The following PRKG1 variants were observed in gnomAD, a reference collection of about 807,000 sequenced individuals.
PRKG1 encodes the protein protein kinase cGMP-dependent 1.
In PRKG1, 35 loss-of-function variants were observed where a neutral mutation model predicts 88.1. The observed-to-expected ratio is 0.40, with a 90% CI of 0.30 to 0.53. PRKG1 has a LOEUF of 0.53. Among genes scored for constraint, PRKG1 ranks in the 20% least tolerant of loss-of-function variants. The probability of loss-of-function intolerance (pLI) is 0.59; values close to 1 mark genes in which losing one functional copy is unlikely to be tolerated. For missense variants in PRKG1, 540 were observed against 839.8 expected (o/e 0.64, Z 4.41); for synonymous variants, 303 against 292.5 (o/e 1.04, Z -0.37).
upstream of PRKG1, among the ~76,000 whole-genome samples, chr10:51,071,153 C>T (rs946561032): frequency 5.9e-5 from 9 of 152,120 alleles, no homozygotes; most frequent in Admixed American, 2.0e-4. Flanking sequence ...GACGTAATTG[C>T]AGGACTTTGA....
At chr10:51,448,196 C>T (rs1404727301) in intron 2 of PRKG1, among the ~76,000 whole-genome samples, 1 of 151,846 alleles carries the variant, frequency 6.6e-6, no homozygotes, top group African/African-American at 2.4e-5. Flanking sequence ...TGCAGTGAAT[C>T]CTGATCATGC....
chr10:51,108,547 G>C (rs1303265407), intron 1 of PRKG1, among the ~76,000 whole-genome samples: 1 of 152,088 alleles, frequency 6.6e-6, no homozygotes, highest in African/African-American at 2.4e-5. Flanking sequence ...CATCTCCATT[G>C]GCACAGAAAA....
intron 3 of PRKG1, among the ~76,000 whole-genome samples, chr10:51,707,081 C>T (rs752893501): frequency 2.0e-5 from 3 of 152,104 alleles, no homozygotes; most frequent in Non-Finnish European, 2.9e-5. Flanking sequence ...AACCTTAACA[C>T]TGCCATTTTA....
chr10:52,187,748 G>A (rs1839235271), intron 9 of PRKG1, among the ~76,000 whole-genome samples: 1 of 152,132 alleles, frequency 6.6e-6, no homozygotes, highest in African/African-American at 2.4e-5. Flanking sequence ...ATGCTACCAT[G>A]AGCCAAACAC....
intron 1 of PRKG1, among the ~76,000 whole-genome samples, chr10:51,055,545 A>G (rs1589125808): frequency 6.6e-6 from 1 of 152,078 alleles, no homozygotes; most frequent in Middle Eastern, 3.4e-3. Context: ...CATCCTGGTG[A>G]ACACGGTGAA....
intron 2 of PRKG1, among the ~76,000 whole-genome samples, chr10:51,193,981 A>T (rs964470510): frequency 3.3e-5 from 5 of 152,172 alleles, no homozygotes. Flanking sequence ...CTGTCTTTGT[A>T]AATTGTTCAG....
chr10:52,292,430 A>G (rs1214622336), intron 17 of PRKG1, among the ~76,000 whole-genome samples: 5 of 149,964 alleles, frequency 3.3e-5, no homozygotes, highest in African/African-American at 9.9e-5. Context: ...ATCTTGAATT[A>G]ATTTTTGTAT....
At chr10:51,255,830 G>A (rs1231873529) in intron 2 of PRKG1, among the ~76,000 whole-genome samples, 2 of 152,074 alleles carry the variant, frequency 1.3e-5, no homozygotes, top group African/African-American at 4.8e-5. Flanking sequence ...TCACATGATG[G>A]TGAACGTCAA....
intron 1 of PRKG1, among the ~76,000 whole-genome samples, chr10:51,055,826 T>G (rs950982245): frequency 6.6e-6 from 1 of 152,192 alleles, no homozygotes; most frequent in Non-Finnish European, 1.5e-5. Flanking sequence ...ATGTGACAAC[T>G]GCTCTCCTCT....
intron 2 of PRKG1, among the ~76,000 whole-genome samples, chr10:51,217,667 G>C (rs748841802): frequency 2.6e-5 from 4 of 152,056 alleles, no homozygotes; most frequent in Non-Finnish European, 4.4e-5. Context: ...TGGTACTTCT[G>C]TTTCTGGCCT....
intron 2 of PRKG1, among the ~76,000 whole-genome samples, chr10:51,262,874 G>A (rs576239201): frequency 1.3e-5 from 2 of 152,042 alleles, no homozygotes; most frequent in African/African-American, 4.8e-5. Flanking sequence ...TGATCCAATC[G>A]CCTCCCATCA....
intron 1 of PRKG1, among the ~76,000 whole-genome samples, chr10:51,134,603 C>A (rs908325373): frequency 3.3e-5 from 5 of 152,068 alleles, no homozygotes; most frequent in South Asian, 2.1e-4. Context: ...GAATGTCAAC[C>A]TTTTGTAGCT....
At chr10:52,150,820 A>G (rs1458439116) in intron 8 of PRKG1, among the ~76,000 whole-genome samples, 2 of 152,166 alleles carry the variant, frequency 1.3e-5, no homozygotes, top group African/African-American at 4.8e-5. Context: ...CTATCATAGT[A>G]TTTGCATTCC....
At chr10:52,196,044 G>A (rs183102318) in intron 9 of PRKG1, among the ~76,000 whole-genome samples, 6 of 151,828 alleles carry the variant, frequency 4.0e-5, no homozygotes, top group East Asian at 1.9e-4. Flanking sequence ...ATGGAGTCTC[G>A]CTCTGTTGCC....
intron 2 of PRKG1, among the ~76,000 whole-genome samples, chr10:51,441,277 A>G (rs144471009): frequency 8.5e-5 from 13 of 152,142 alleles, no homozygotes; most frequent in Middle Eastern, 3.4e-3. Context: ...GTTCTCTCTG[A>G]TAGGTGTATT....
chr10:52,150,171 A>T lies in PRKG1; in HGVS notation c.1002-11718A>T, dbSNP rs1382179333. On this transcript the variant is annotated intron_variant, in intron 8 of 17. Transcript: ENST00000373980. ...TCAAAATAATAATAATAATAATAAT[A>T]ATAATAATAATAATTTGATTGGCCA... 5.4e-4 allele frequency among the ~76,000 whole-genome samples: 56 copies of T among 103,062 alleles called. No homozygotes were observed. In the South Asian group the frequency reaches 6.5e-3, roughly 12 times the overall value. The allele number at this position is 103,062 out of a possible 152,430, so 67.6% of individuals were successfully genotyped here.
At chr10:52,103,984 T>C (rs1372806145) in intron 7 of PRKG1, among the ~76,000 whole-genome samples, 3 of 146,468 alleles carry the variant, frequency 2.0e-5, no homozygotes, top group Non-Finnish European at 4.5e-5. Context: ...TATTATGACT[T>C]CATGTGTGTG....
At chr10:52,157,056 G>GA (rs202088634) in intron 8 of PRKG1, among the ~76,000 whole-genome samples, 125 of 151,072 alleles carry the variant, frequency 8.3e-4, no homozygotes, top group African/African-American at 2.9e-3. Flanking sequence ...ATGTAAAAAA[G>GA]AAAAAATCTG....
At chr10:51,741,594 A>G (rs534760492) in intron 3 of PRKG1, among the ~76,000 whole-genome samples, 44 of 152,292 alleles carry the variant, frequency 2.9e-4, no homozygotes, top group African/African-American at 9.1e-4. Context: ...GACGTCCACA[A>G]GGCAAAGCTA....
Sources: allele counts gnomAD v4.1 joint callset (sites outside exome capture counted in the v4.1 genomes callset), GRCh38; gene constraint gnomAD v4.1.1; transcripts MANE v1.5; gene names NCBI Gene and HGNC (gene_info 2026-07-23, HGNC 2026-07-21).